Variants in IKZF2 observed in about 807,000 individuals in gnomAD.
IKZF2 encodes the protein zinc finger protein Helios.
Under a neutral mutation model 49.2 loss-of-function variants are expected in IKZF2, and 15 were observed. The ratio of observed to expected loss-of-function variants is 0.30; its 90% confidence interval spans 0.20 to 0.47. The LOEUF (loss-of-function observed/expected upper bound fraction) is 0.47, where lower values mean the gene tolerates loss of function less well. IKZF2 is among the 20% of genes least tolerant of loss of function. The pLI is 1.00. For synonymous variants in IKZF2, 227 were observed against 221.4 expected, an observed-to-expected ratio of 1.03 and a Z score of -0.23; for missense variants, 567 against 664.6, an observed-to-expected ratio of 0.85 and a Z score of 1.61.
chr2:213,013,903 C>G lies in IKZF2; in HGVS notation c.744G>C (p.Glu248Asp). ...GAGAAATATTGTTGTCCATAATAGG[C>G]TCTTGTTCCTTACAATCTTCCATAG... ...VPPMEDCKEQ[E>D]PIMDNNISLV... Residue 248 changes from glutamate (E) to aspartate (D), a missense_variant, in exon 8 of 9, where the codon GAG (glutamate) becomes GAC (aspartate). Around this residue, in one of 5 missense-constraint regions of IKZF2, gnomAD observed 310 missense variants for 326.9 expected, o/e 0.95. Transcript: ENST00000434687. 6.2e-7 allele frequency: 1 copy of G among 1,611,680 alleles called. No individual in the cohort carries two copies. The highest frequency in any genetic ancestry group is 1.3e-5 in the African/African-American group (1 of 74,948).
At chr2:213,015,080 A>C (rs1035386335) in intron 7 of IKZF2, 15 of 152,096 alleles carry the variant, frequency 9.9e-5, no homozygotes, top group African/African-American at 3.4e-4. Flanking sequence ...TAAGTGAGAA[A>C]GCAAGAGATG....
At chr2:213,049,666 A>G (rs1700498185) in intron 6 of IKZF2, 47 bp downstream of exon 6, 1 of 1,443,820 alleles carries the variant, frequency 6.9e-7, no homozygotes. Flanking sequence ...GTACTCTTCT[A>G]AGTTTTCCTG....
chr2:213,142,527 A>G (rs1352157854), intron 4 of IKZF2, among the ~76,000 whole-genome samples: 1 of 151,996 alleles, frequency 6.6e-6, no homozygotes, highest in Non-Finnish European at 1.5e-5. Context: ...ATGTGCCAGA[A>G]GTTGTGCTGA....
intron 4 of IKZF2, among the ~76,000 whole-genome samples, chr2:213,108,646 A>G (rs902488323): frequency 6.6e-6 from 1 of 152,298 alleles, no homozygotes; most frequent in African/African-American, 2.4e-5. Context: ...TTCCACTAAC[A>G]AAGTTGATAT....
chr2:213,140,261 T>C (rs1435322885), intron 4 of IKZF2, among the ~76,000 whole-genome samples: 1 of 151,996 alleles, frequency 6.6e-6, no homozygotes, highest in Non-Finnish European at 1.5e-5. Context: ...AGAATAATTA[T>C]GCTGATTAAG....
intron 4 of IKZF2, among the ~76,000 whole-genome samples, chr2:213,059,725 C>T (rs1574668607): frequency 6.6e-6 from 1 of 151,372 alleles, no homozygotes; most frequent in Non-Finnish European, 1.5e-5. Flanking sequence ...AAGAATATGA[C>T]TGACATTACA....
intron 4 of IKZF2, among the ~76,000 whole-genome samples, chr2:213,090,632 C>T (rs567636378): frequency 3.6e-4 from 55 of 152,122 alleles, no homozygotes; most frequent in Non-Finnish European, 5.9e-4. Flanking sequence ...AAGATGAAGT[C>T]GTACTAGAGT....
intron 4 of IKZF2, among the ~76,000 whole-genome samples, chr2:213,104,861 T>C (rs1319370996): frequency 6.6e-6 from 1 of 152,124 alleles, no homozygotes; most frequent in Non-Finnish European, 1.5e-5. Context: ...GCCATTCCCA[T>C]ACTCAGATAA....
chr2:213,114,264 T>G (rs2059802222), intron 4 of IKZF2, among the ~76,000 whole-genome samples: 1 of 152,214 alleles, frequency 6.6e-6, no homozygotes, highest in African/African-American at 2.4e-5. Flanking sequence ...GCAACGGGTT[T>G]TTTTTTACTC....
At chr2:213,089,203 T>C (rs966868304) in intron 4 of IKZF2, among the ~76,000 whole-genome samples, 1 of 152,162 alleles carries the variant, frequency 6.6e-6, no homozygotes, top group Non-Finnish European at 1.5e-5. Flanking sequence ...CTTAGACCTC[T>C]TTTTCCCTCA....
At chr2:213,075,755 C>T (rs1268867822) in intron 4 of IKZF2, among the ~76,000 whole-genome samples, 2 of 152,004 alleles carry the variant, frequency 1.3e-5, no homozygotes, top group Admixed American at 6.6e-5. Flanking sequence ...TAACCATCCT[C>T]GTTTGGGTGA....
chr2:213,100,146 T>C (rs566440177), intron 4 of IKZF2, among the ~76,000 whole-genome samples: 23 of 152,114 alleles, frequency 1.5e-4, no homozygotes, highest in Non-Finnish European at 3.4e-4. Flanking sequence ...GAAGGACCAA[T>C]TGGTTTTTTA....
At chr2:213,102,746 T>C (rs919218680) in intron 4 of IKZF2, among the ~76,000 whole-genome samples, 1 of 152,142 alleles carries the variant, frequency 6.6e-6, no homozygotes, top group African/African-American at 2.4e-5. Flanking sequence ...AATTGTTCTA[T>C]TCTTCTTGTC....
At chr2:213,025,266 T>C (rs983030290) in intron 6 of IKZF2, among the ~76,000 whole-genome samples, 8 of 152,172 alleles carry the variant, frequency 5.3e-5, no homozygotes, top group African/African-American at 1.7e-4. Flanking sequence ...AGTACAATGT[T>C]CTCCCTCTTT....
At chr2:213,014,081 T>C (rs1696291042) in intron 7 of IKZF2, 147 bp from the exon 8 acceptor site, 1 of 636,852 alleles carries the variant, frequency 1.6e-6, no homozygotes, top group South Asian at 2.2e-5. Flanking sequence ...AGTGTGAAAG[T>C]ATACTCTTTA....
At chr2:213,064,418 T>C (rs545588940) in intron 4 of IKZF2, among the ~76,000 whole-genome samples, 1 of 152,054 alleles carries the variant, frequency 6.6e-6, no homozygotes, top group East Asian at 1.9e-4. Flanking sequence ...CCTACTTTCA[T>C]GGAAAAAAAA....
chr2:213,040,240 T>TG (rs1699488289), intron 6 of IKZF2, among the ~76,000 whole-genome samples: 2 of 107,880 alleles, frequency 1.9e-5, no homozygotes, highest in African/African-American at 6.1e-5. Context: ...ACTTGTGTCA[T>TG]GGGTTTTTTT....
chr2:213,139,494 A>T (rs992771610), intron 4 of IKZF2, among the ~76,000 whole-genome samples: 1 of 151,988 alleles, frequency 6.6e-6, no homozygotes, highest in African/African-American at 2.4e-5. Context: ...AGGTCAGTTC[A>T]CAAGAACAAA....
chr2:213,125,527 C>T (rs534270095), intron 4 of IKZF2, among the ~76,000 whole-genome samples: 1 of 152,306 alleles, frequency 6.6e-6, no homozygotes, highest in Admixed American at 6.5e-5. Context: ...CAGACACTCA[C>T]ATATTACTAG....
Sources: allele counts gnomAD v4.1 joint callset (sites outside exome capture counted in the v4.1 genomes callset), GRCh38; gene constraint gnomAD v4.1.1; regional missense constraint gnomAD v4.1.1; transcripts MANE v1.5; gene names NCBI Gene and HGNC (gene_info 2026-07-23, HGNC 2026-07-21).